MAPKAP1: variants seen among roughly 807,000 people sequenced by gnomAD.
MAPKAP1 encodes target of rapamycin complex 2 subunit MAPKAP1.
Under a neutral mutation model 65.7 loss-of-function variants are expected in MAPKAP1, and 20 were observed. The ratio of observed to expected loss-of-function variants is 0.30; its 90% CI spans 0.21 to 0.44. The LOEUF is 0.44. Among genes scored for constraint, MAPKAP1 ranks in the 20% least tolerant of loss-of-function variants. The pLI is 1.00. For synonymous variants in MAPKAP1, 222 were observed against 244.3 expected (o/e 0.91, Z 0.85); for missense variants, 423 against 648.0 (o/e 0.65, Z 3.77).
chr9:125,518,611 TG>T (rs1199090632), intron 7 of MAPKAP1, among the ~76,000 whole-genome samples: 1 of 152,226 alleles, frequency 6.6e-6, no homozygotes, highest in Non-Finnish European at 1.5e-5. Context: ...TCAAGGTTAC[TG>T]TGAGCTATGA....
intron 6 of MAPKAP1, among the ~76,000 whole-genome samples, chr9:125,552,210 C>A (rs1356847206): frequency 4.6e-5 from 7 of 152,196 alleles, no homozygotes; most frequent in Non-Finnish European, 1.0e-4. Context: ...TTAAAAGAGG[C>A]AGTTTCCATT....
chr9:125,469,168 A>G (rs1853801981), intron 9 of MAPKAP1, among the ~76,000 whole-genome samples: 1 of 152,246 alleles, frequency 6.6e-6, no homozygotes, highest in Non-Finnish European at 1.5e-5. Context: ...GTCAGGGTCA[A>G]AGTGAAAAAA....
At chr9:125,628,111 A>G (rs936936706) in intron 4 of MAPKAP1, among the ~76,000 whole-genome samples, 1 of 152,238 alleles carries the variant, frequency 6.6e-6, no homozygotes, top group East Asian at 1.9e-4. Context: ...ACATATAAAT[A>G]TATAACTACA....
intron 1 of MAPKAP1, among the ~76,000 whole-genome samples, chr9:125,682,085 A>T (rs1289270152): frequency 6.6e-6 from 1 of 151,986 alleles, no homozygotes; most frequent in Non-Finnish European, 1.5e-5. Context: ...TAACAGGAAA[A>T]AAAAATGTTT....
intron 7 of MAPKAP1, among the ~76,000 whole-genome samples, chr9:125,526,324 A>T (rs1829766533): frequency 6.6e-6 from 1 of 152,230 alleles, no homozygotes; most frequent in African/African-American, 2.4e-5. Context: ...AAGAATGTCA[A>T]AATGTACATG....
At chr9:125,469,007 A>C (rs1853794284) in intron 9 of MAPKAP1, among the ~76,000 whole-genome samples, 1 of 152,184 alleles carries the variant, frequency 6.6e-6, no homozygotes, top group South Asian at 2.1e-4. Context: ...AGCCCGCCAC[A>C]CACCACCTAG....
chr9:125,682,148 C>CT (rs1242267922), intron 1 of MAPKAP1, among the ~76,000 whole-genome samples: 3 of 152,156 alleles, frequency 2.0e-5, no homozygotes, highest in African/African-American at 7.2e-5. Flanking sequence ...ACCATGGTTA[C>CT]TTTGTAGCTT....
intron 4 of MAPKAP1, among the ~76,000 whole-genome samples, chr9:125,621,416 A>T (rs1481002900): frequency 2.0e-5 from 3 of 152,214 alleles, no homozygotes; most frequent in African/African-American, 7.2e-5. Flanking sequence ...CCTAAAAGTG[A>T]GAAAACAGGT....
chr9:125,597,405 C>T (rs1242348454), intron 4 of MAPKAP1, among the ~76,000 whole-genome samples: 1 of 151,888 alleles, frequency 6.6e-6, no homozygotes, highest in Non-Finnish European at 1.5e-5. Flanking sequence ...AGCCCCCTGC[C>T]CTTTGGCCTG....
At chr9:125,464,210 A>T (rs1368518412) in intron 10 of MAPKAP1, among the ~76,000 whole-genome samples, 3 of 144,868 alleles carry the variant, frequency 2.1e-5, no homozygotes, top group Admixed American at 6.8e-5. Flanking sequence ...ATATTAAAAA[A>T]AAAAAAAAAA....
chr9:125,554,817 A>T (rs866605039), intron 6 of MAPKAP1, among the ~76,000 whole-genome samples: 17 of 144,266 alleles, frequency 1.2e-4, no homozygotes, highest in African/African-American at 4.0e-4. Flanking sequence ...AAAAAAAAAA[A>T]GCATTTTCTA....
chr9:125,561,031 T>C (rs762558657), intron 5 of MAPKAP1, among the ~76,000 whole-genome samples: 4 of 152,224 alleles, frequency 2.6e-5, no homozygotes, highest in Non-Finnish European at 5.9e-5. Flanking sequence ...AGGAACCCAA[T>C]AGCTCACAAG....
chr9:125,543,345 C>T (rs1329401697), intron 6 of MAPKAP1, among the ~76,000 whole-genome samples, 177 bp from the exon 7 acceptor site: 2 of 152,094 alleles, frequency 1.3e-5, no homozygotes, highest in African/African-American at 4.8e-5. Context: ...CGGCTCACTG[C>T]AAGATCCGCC....
chr9:125,488,053 T>C (rs1405245348), intron 8 of MAPKAP1, among the ~76,000 whole-genome samples: 1 of 152,248 alleles, frequency 6.6e-6, no homozygotes, highest in East Asian at 1.9e-4. Flanking sequence ...CTTGTATTAA[T>C]TTTGTACAAG....
intron 3 of MAPKAP1, among the ~76,000 whole-genome samples, chr9:125,665,725 T>C (rs1438135177): frequency 1.3e-5 from 2 of 152,144 alleles, no homozygotes; most frequent in African/African-American, 2.4e-5. Context: ...TAGAAATGTA[T>C]AGGGAATGTT....
chr9:125,683,196 G>A (rs1834875310), intron 1 of MAPKAP1, among the ~76,000 whole-genome samples: 1 of 152,000 alleles, frequency 6.6e-6, no homozygotes, highest in Admixed American at 6.6e-5. Context: ...GACCTCAGGC[G>A]ATCCACCCAC....
chr9:125,653,632 G>A (rs915774721), intron 4 of MAPKAP1, among the ~76,000 whole-genome samples: 3 of 152,174 alleles, frequency 2.0e-5, no homozygotes, highest in East Asian at 3.9e-4. Flanking sequence ...TTTTGGGGTA[G>A]TGTGTCCTGA....
intron 8 of MAPKAP1, among the ~76,000 whole-genome samples, chr9:125,502,367 C>T (rs936920921): frequency 1.3e-5 from 2 of 152,132 alleles, no homozygotes; most frequent in Non-Finnish European, 2.9e-5. Context: ...TCCCAAAGTG[C>T]TGGGATTACA....
intron 7 of MAPKAP1, among the ~76,000 whole-genome samples, chr9:125,523,598 T>C (rs189762795): frequency 3.0e-4 from 46 of 152,356 alleles, no homozygotes; most frequent in South Asian, 6.2e-4. Context: ...TTTAAAAATA[T>C]GTACTTTTAG....
Sources: allele counts gnomAD v4.1 joint callset (sites outside exome capture counted in the v4.1 genomes callset), GRCh38; gene constraint gnomAD v4.1.1; transcripts MANE v1.5; gene names NCBI Gene and HGNC (gene_info 2026-07-23, HGNC 2026-07-21).